The following ZNF609 variants were observed in gnomAD, a reference collection of about 807,000 sequenced individuals.
The protein encoded by ZNF609 is zinc finger protein 609.
ZNF609 carries 11 observed loss-of-function variants against 109.5 expected under a neutral mutation model. The ratio of observed to expected loss-of-function variants is 0.10; its 90% CI spans 0.06 to 0.17. ZNF609 has a LOEUF of 0.17. Among genes scored for constraint, ZNF609 ranks in the 10% least tolerant of loss-of-function variants. The pLI, the probability that ZNF609 is intolerant of heterozygous loss-of-function variation, is 1.00. For missense variants in ZNF609, 1,559 were observed against 1,772.4 expected (o/e 0.88, Z 2.16); for synonymous variants, 646 against 662.0 (o/e 0.98, Z 0.37).
At chr15:64,606,243 C>T (rs1895597666) in intron 2 of ZNF609, among the ~76,000 whole-genome samples, 1 of 151,364 alleles carries the variant, frequency 6.6e-6, no homozygotes, top group Admixed American at 6.6e-5. Flanking sequence ...CCTTACGGGT[C>T]TGCAAGGACC....
intron 1 of ZNF609, among the ~76,000 whole-genome samples, chr15:64,472,227 A>C (rs1884855499): frequency 6.6e-6 from 1 of 152,162 alleles, no homozygotes; most frequent in Non-Finnish European, 1.5e-5. Context: ...AGTAGTTTTT[A>C]TAGATGGTTT....
chr15:64,598,210 G>A (rs947056355), intron 2 of ZNF609, among the ~76,000 whole-genome samples: 1 of 152,154 alleles, frequency 6.6e-6, no homozygotes, highest in Non-Finnish European at 1.5e-5. Context: ...TGCCTCCTGG[G>A]TTCAAGCGAT....
chr15:64,476,027 A>C (rs1026555341), intron 1 of ZNF609, among the ~76,000 whole-genome samples: 1 of 152,216 alleles, frequency 6.6e-6, no homozygotes, highest in African/African-American at 2.4e-5. Context: ...CCTTTACTGC[A>C]TATGACTGTA....
intron 1 of ZNF609, among the ~76,000 whole-genome samples, chr15:64,479,283 GATTTTTT>G (rs1893214746): frequency 1.6e-5 from 1 of 64,358 alleles, no homozygotes; most frequent in South Asian, 3.9e-4. Context: ...GTACCTGTGT[GATTTTTT>G]TTTTTTTTTT....
intron 2 of ZNF609, among the ~76,000 whole-genome samples, chr15:64,574,585 A>G (rs1008796468): frequency 2.0e-5 from 3 of 152,108 alleles, no homozygotes; most frequent in African/African-American, 7.2e-5. Flanking sequence ...ACATATCTTT[A>G]TTGCTGCTTG....
intron 3 of ZNF609, among the ~76,000 whole-genome samples, chr15:64,664,420 G>A (rs768795533): frequency 9.2e-5 from 14 of 152,070 alleles, no homozygotes; most frequent in African/African-American, 1.9e-4. Context: ...AGAGAAACAC[G>A]GAGCACTATT....
Position 64,680,196 on chromosome 15 carries a change from C to A in ZNF609, c.3781C>A (p.Pro1261Thr), listed in dbSNP as rs753843702. The part of the protein sequence containing the change: ...MMQNYPGSYL[P>T]SSYSFSPYGS... ...TTCTCCTTCCACAGGTTCCTACCTGCCTTCCAGCTACTCTTTTTCCCCATA... is the reference window on the plus strand; with the variant it reads ...TTCTCCTTCCACAGGTTCCTACCTGACTTCCAGCTACTCTTTTTCCCCATA... Residue 1261 changes from proline (P) to threonine (T), a missense_variant, in exon 7 of 10, where the codon CCT becomes ACT. This residue lies in a region of ZNF609 where 1,204 missense variants were observed against 1,314.1 expected (regional missense o/e 0.92). Coordinates refer to ENST00000326648, the MANE Select transcript of ZNF609 (RefSeq NM_015042.2). The A allele has an allele frequency of 2.5e-6, 4 of 1,614,032 alleles. No homozygotes were observed. In the African/African-American group the frequency reaches 5.3e-5, roughly 22 times the overall value.
At chr15:64,532,041 C>T (rs1894071127) in intron 2 of ZNF609, among the ~76,000 whole-genome samples, 1 of 152,160 alleles carries the variant, frequency 6.6e-6, no homozygotes, top group Non-Finnish European at 1.5e-5. Context: ...TCTCCTATTT[C>T]TCCCTACTAG....
At chr15:64,540,505 A>G (rs562215336) in intron 2 of ZNF609, among the ~76,000 whole-genome samples, 13 of 151,930 alleles carry the variant, frequency 8.6e-5, no homozygotes, top group Admixed American at 7.9e-4. Context: ...CCTGGGTTCA[A>G]GTGATTCTCC....
intron 2 of ZNF609, among the ~76,000 whole-genome samples, chr15:64,534,266 C>T (rs1178486097): frequency 1.3e-5 from 2 of 151,992 alleles, no homozygotes; most frequent in African/African-American, 2.4e-5. Flanking sequence ...CCACCTCGGC[C>T]TCCCAAAGTG....
chr15:64,563,801 AAAC>A (rs1352640942), intron 2 of ZNF609, among the ~76,000 whole-genome samples: 2 of 151,934 alleles, frequency 1.3e-5, no homozygotes, highest in Non-Finnish European at 2.9e-5. Context: ...AAACAAAACA[AAAC>A]AAAAAAACCC....
At chr15:64,582,191 T>A (rs748243751) in intron 2 of ZNF609, among the ~76,000 whole-genome samples, 1 of 152,218 alleles carries the variant, frequency 6.6e-6, no homozygotes, top group Non-Finnish European at 1.5e-5. Context: ...CTCCTTCATT[T>A]ATGTATCGTC....
chr15:64,681,638 G>GTT (rs34414202), intron 9 of ZNF609, 54 bp from the exon 10 acceptor site: 20 of 382,384 alleles, frequency 5.2e-5, no homozygotes, highest in Admixed American at 2.4e-4. Flanking sequence ...CCACCTTGTG[G>GTT]TTTTTTTACC....
intron 2 of ZNF609, among the ~76,000 whole-genome samples, chr15:64,565,671 A>C (rs1285814900): frequency 1.3e-5 from 2 of 152,166 alleles, no homozygotes; most frequent in Non-Finnish European, 2.9e-5. Flanking sequence ...CTTTAAGATA[A>C]GGGAGTTAGG....
At chr15:64,528,935 A>C in intron 2 of ZNF609, 1 of 1,269,198 alleles carries the variant, frequency 7.9e-7, no homozygotes, top group African/African-American at 1.5e-5. Flanking sequence ...TCCAGACGAC[A>C]GGTCAGGTCC....
At chr15:64,615,628 G>A in intron 2 of ZNF609, among the ~76,000 whole-genome samples, 1 of 148,210 alleles carries the variant, frequency 6.7e-6, no homozygotes, top group African/African-American at 2.5e-5. Flanking sequence ...CTGGGATTAT[G>A]GGCATGCACC....
chr15:64,566,841 A>T (rs1894784626), intron 2 of ZNF609, among the ~76,000 whole-genome samples: 1 of 152,144 alleles, frequency 6.6e-6, no homozygotes, highest in Non-Finnish European at 1.5e-5. Context: ...AGGAGAATGT[A>T]ACTCAGTTCT....
At chr15:64,536,736 A>C (rs1224998870) in intron 2 of ZNF609, among the ~76,000 whole-genome samples, 20 of 143,930 alleles carry the variant, frequency 1.4e-4, no homozygotes, top group African/African-American at 4.3e-4. Flanking sequence ...CCCCCCCCCA[A>C]AAAAAAAATT....
chr15:64,507,109 G>A (rs1002880576), intron 2 of ZNF609, among the ~76,000 whole-genome samples: 7 of 152,190 alleles, frequency 4.6e-5, no homozygotes, highest in East Asian at 1.9e-4. Flanking sequence ...CATATGAATC[G>A]AGCTTCTTTT....
Sources: gnomAD v4.1 joint callset for allele counts (sites outside exome capture counted in the v4.1 genomes callset) on GRCh38, gnomAD v4.1.1 for gene constraint, gnomAD v4.1.1 regional missense constraint, MANE v1.5 for transcripts, NCBI Gene and HGNC (gene_info 2026-07-23, HGNC 2026-07-21) for gene names.